The following IQGAP2 variants were observed in gnomAD, a reference collection of about 807,000 sequenced individuals.
IQGAP2 encodes IQ motif containing GTPase activating protein 2, also known as ras GTPase-activating-like protein IQGAP2.
Under a neutral mutation model 201.3 loss-of-function variants are expected in IQGAP2, and 173 were observed. The observed-to-expected ratio is 0.86, with a 90% CI of 0.76 to 0.98. The LOEUF (loss-of-function observed/expected upper bound fraction) is 0.98, where lower values mean the gene tolerates loss of function less well. IQGAP2 is among the 50% of genes least tolerant of loss of function. The probability of loss-of-function intolerance (pLI) is 0.00; values close to 1 mark genes in which losing one functional copy is unlikely to be tolerated. For synonymous variants in IQGAP2, 675 were observed against 673.9 expected, an observed-to-expected ratio of 1.00 and a Z score of -0.03; for missense variants, 1,687 against 1,864.8, an observed-to-expected ratio of 0.90 and a Z score of 1.76.
intron 12 of IQGAP2, among the ~76,000 whole-genome samples, chr5:76,609,383 A>G (rs1748074544): frequency 6.6e-6 from 1 of 152,210 alleles, no homozygotes; most frequent in African/African-American, 2.4e-5. Flanking sequence ...TTTACAGATA[A>G]TATAACCTGC....
At chr5:76,476,819 G>T (rs1755465076) in intron 2 of IQGAP2, among the ~76,000 whole-genome samples, 1 of 152,160 alleles carries the variant, frequency 6.6e-6, no homozygotes, top group Admixed American at 6.5e-5. Context: ...TACACTTTCA[G>T]CAAGTGACTA....
At position 76,683,160 on chromosome 5, in the gene IQGAP2, T is replaced by G. The variant is rs1197301502; in HGVS notation, c.3706T>G (p.Leu1236Val). ...QDAIAPEKND[L>V]LSELLGSLGE... ...TGCAATTGCCCCTGAGAAAAATGAC[T>G]TACTGAGTGAATTGCTGGGGTCGCT... The change falls in exon 29 of 36, where the codon TTA becomes GTA. Residue 1236 changes from leucine (L) to valine (V), a missense_variant. Leu to Val is a conservative substitution (Grantham distance 32, BLOSUM62 1). Coordinates refer to ENST00000274364, the MANE Select transcript of IQGAP2 (RefSeq NM_006633.5). 4.3e-6 allele frequency: 7 copies of G among 1,613,050 alleles called. No homozygotes were observed. The highest frequency in any genetic ancestry group is 1.7e-5 in the Admixed American group (1 of 59,864).
intron 2 of IQGAP2, among the ~76,000 whole-genome samples, chr5:76,525,748 A>C (rs576943036): frequency 1.3e-5 from 2 of 152,218 alleles, no homozygotes; most frequent in Non-Finnish European, 2.9e-5. Flanking sequence ...AATATTTAAG[A>C]AAACACTTAT....
At chr5:76,455,410 A>G (rs1056512834) in intron 1 of IQGAP2, among the ~76,000 whole-genome samples, 2 of 147,916 alleles carry the variant, frequency 1.4e-5, no homozygotes, top group South Asian at 2.1e-4. Context: ...CCAAGATCGT[A>G]CTACTGCACT....
intron 2 of IQGAP2, among the ~76,000 whole-genome samples, chr5:76,530,551 G>C (rs1358976942): frequency 6.6e-6 from 1 of 151,184 alleles, no homozygotes; most frequent in East Asian, 1.9e-4. Flanking sequence ...GATTTCAAAG[G>C]CTGCAGTTTA....
At chr5:76,631,785 G>T in intron 14 of IQGAP2, 74 bp from the exon 15 acceptor site, 1 of 1,138,906 alleles carries the variant, frequency 8.8e-7, no homozygotes, top group Non-Finnish European at 1.2e-6. Context: ...CTAAAACGTT[G>T]AATTATATAT....
In IQGAP2 at chr5:76,618,124, T is replaced by A. The variant is rs141630366; in HGVS notation, c.1521+6941T>A. 873 of 1,614,134 alleles carry A rather than the reference T, an allele frequency of 5.4e-4. 6 individuals are homozygous for A. In the African/African-American group the frequency reaches 0.01, roughly 19 times the overall value. The stretch of plus-strand genomic sequence containing the variant: ...CCCCGGTAGGTGAAAGGATGGACGA[T>A]GGCCAGGTAGCGGTTGATGCTGATG... On this transcript the variant is annotated intron_variant, in intron 13 of 35. Coordinates refer to ENST00000274364, the MANE Select transcript of IQGAP2 (RefSeq NM_006633.5).
chr5:76,438,604 G>A (rs996697938), intron 1 of IQGAP2, among the ~76,000 whole-genome samples: 76 of 151,868 alleles, frequency 5.0e-4, no homozygotes, highest in African/African-American at 1.8e-3. Context: ...CACCATACCC[G>A]GCTAATTTTT....
At chr5:76,524,250 C>G (rs141934128) in intron 2 of IQGAP2, among the ~76,000 whole-genome samples, 3,154 of 152,290 alleles carry the variant, frequency 0.021, 48 homozygotes, top group Non-Finnish European at 0.031. Flanking sequence ...CCAGAAGCCT[C>G]ACTTCTGACC....
chr5:76,508,446 A>G (rs950369628), intron 2 of IQGAP2, among the ~76,000 whole-genome samples: 2 of 152,214 alleles, frequency 1.3e-5, no homozygotes, highest in Non-Finnish European at 2.9e-5. Context: ...TAAAACAGCA[A>G]TGAGATATCA....
intron 12 of IQGAP2, among the ~76,000 whole-genome samples, chr5:76,610,076 C>CTCTCTCTCTATA (rs1326468006): frequency 5.3e-5 from 1 of 18,700 alleles, no homozygotes; most frequent in African/African-American, 1.8e-4. Flanking sequence ...CTCTCTCTCT[C>CTCTCTCTCTATA]TATATATATA....
intron 11 of IQGAP2, among the ~76,000 whole-genome samples, chr5:76,601,970 C>A (rs903784471): frequency 4.6e-5 from 7 of 152,132 alleles, no homozygotes; most frequent in African/African-American, 1.4e-4. Context: ...TTTATATCTA[C>A]CACCACTGTT....
intron 17 of IQGAP2, among the ~76,000 whole-genome samples, chr5:76,650,936 A>T (rs1306373950): frequency 3.3e-5 from 5 of 152,220 alleles, no homozygotes; most frequent in Non-Finnish European, 7.3e-5. Context: ...TTTTCTACAC[A>T]GGTGCTTTAA....
chr5:76,643,044 A>G (rs1181435819), intron 17 of IQGAP2, among the ~76,000 whole-genome samples: 3 of 152,242 alleles, frequency 2.0e-5, no homozygotes, highest in African/African-American at 7.2e-5. Flanking sequence ...TTCATAAACA[A>G]AAAAGATTTT....
intron 2 of IQGAP2, among the ~76,000 whole-genome samples, chr5:76,527,093 A>T (rs1435639053): frequency 6.6e-6 from 1 of 152,138 alleles, no homozygotes; most frequent in Non-Finnish European, 1.5e-5. Context: ...CATGGCTAAC[A>T]CCCCATTTAA....
chr5:76,436,012 C>T (rs1752627867), intron 1 of IQGAP2, among the ~76,000 whole-genome samples: 1 of 151,892 alleles, frequency 6.6e-6, no homozygotes, highest in Non-Finnish European at 1.5e-5. Context: ...TGATTTGATT[C>T]TTAGCTTGGT....
At chr5:76,496,432 G>A (rs1313777568) in intron 2 of IQGAP2, among the ~76,000 whole-genome samples, 1 of 152,174 alleles carries the variant, frequency 6.6e-6, no homozygotes, top group Non-Finnish European at 1.5e-5. Context: ...AAAGGAGAGT[G>A]AGAAAGACAA....
At chr5:76,440,988 A>G (rs1383212727) in intron 1 of IQGAP2, among the ~76,000 whole-genome samples, 1 of 150,406 alleles carries the variant, frequency 6.6e-6, no homozygotes, top group Non-Finnish European at 1.5e-5. Context: ...CCGAGTTCGT[A>G]CCATTGCACT....
At chr5:76,456,397 G>C (rs904666185) in intron 1 of IQGAP2, among the ~76,000 whole-genome samples, 2 of 152,188 alleles carry the variant, frequency 1.3e-5, no homozygotes, top group Non-Finnish European at 2.9e-5. Context: ...TAAAGCTTAA[G>C]ATTAAGCAGT....
Sources: allele counts gnomAD v4.1 joint callset (sites outside exome capture counted in the v4.1 genomes callset), GRCh38; gene constraint gnomAD v4.1.1; transcripts MANE v1.5; gene names NCBI Gene and HGNC (gene_info 2026-07-23, HGNC 2026-07-21).